Variants in COL6A3 observed in about 807,000 individuals in gnomAD.
COL6A3 encodes collagen type VI alpha 3 chain, also known as collagen alpha-3(VI) chain.
COL6A3 carries 137 observed loss-of-function variants against 274.1 expected under a neutral mutation model. The observed-to-expected ratio is 0.50, with a 90% confidence interval of 0.44 to 0.58. The LOEUF (loss-of-function observed/expected upper bound fraction) is 0.58. Among genes scored for constraint, COL6A3 ranks in the 20% least tolerant of loss-of-function variants. COL6A3 has a pLI of 0.00. For missense variants in COL6A3, 3,950 were observed against 4,124.9 expected (o/e 0.96, Z 1.16); for synonymous variants, 1,650 against 1,650.6 (o/e 1.00, Z 0.01).
intron 13 of COL6A3, among the ~76,000 whole-genome samples, chr2:237,363,604 T>C (rs1255690389): frequency 6.6e-6 from 1 of 152,230 alleles, no homozygotes; most frequent in Non-Finnish European, 1.5e-5. Context: ...GGTATGTCAA[T>C]AACTAAACCT....
intron 26 of COL6A3, among the ~76,000 whole-genome samples, chr2:237,351,704 T>G (rs1473272138): frequency 6.6e-6 from 1 of 152,266 alleles, no homozygotes; most frequent in Non-Finnish European, 1.5e-5. Context: ...CTGGAGCTAC[T>G]GGATAACTAT....
At chr2:237,347,952 G>T in intron 30 of COL6A3, 83 bp from the exon 31 acceptor site, 1 of 1,287,140 alleles carries the variant, frequency 7.8e-7, no homozygotes, top group Non-Finnish European at 1.1e-6. Flanking sequence ...ACATCCAGGA[G>T]ACGTGTGGGT....
At position 237,354,936 on chromosome 2, in the gene COL6A3, T is replaced by C. The variant is rs777097481; in HGVS notation, c.6592-2A>G. 1 of 1,613,794 alleles carries C rather than the reference T, an allele frequency of 6.2e-7. No individual in the cohort carries two copies. The highest frequency in any genetic ancestry group is 8.5e-7 in the Non-Finnish European group (1 of 1,179,846). On this transcript the variant is annotated splice_acceptor_variant, in intron 23 of 43. Coordinates refer to ENST00000295550, the MANE Select transcript of COL6A3 (RefSeq NM_004369.4). LOFTEE classifies it high-confidence loss of function. ...GGGTCCCCTTCGGCCAAAGCCACCC[T>C]GTGGAAGAAAAAGTCCCACAAACTG...
In COL6A3 at chr2:237,358,146, TG is replaced by T. The variant is rs530302553; in HGVS notation, c.6472-265del. ...CCCCAGGCTCACTCCTGCTTATCCT[TG>T]GCCACAGAGGCAGGATGGACTGGAA... On this transcript the variant is annotated intron_variant, in intron 21 of 43. Transcript: ENST00000295550. Among the ~76,000 whole-genome samples, 424 of 152,302 alleles carry T rather than the reference TG, an allele frequency of 2.8e-3. 3 individuals are homozygous for T. The highest frequency in any genetic ancestry group is 9.6e-3 in the African/African-American group (400 of 41,570).
At position 237,344,944 on chromosome 2, in the gene COL6A3, A is replaced by T; in HGVS notation, c.7171T>A (p.Tyr2391Asn). 1 of 1,614,180 alleles carries T rather than the reference A, an allele frequency of 6.2e-7. No homozygotes were observed. Among genetic ancestry groups the T allele is most frequent in the East Asian group, 2.2e-5 (1 of 44,878 alleles). Residue 2391 changes from tyrosine to asparagine, a missense_variant, in exon 35 of 44, where the codon TAC becomes AAC. Physicochemically the swap from Tyr to Asn is moderately radical, Grantham distance 143. Around this residue, in one of 5 missense-constraint regions of COL6A3, gnomAD observed 1,284 missense variants for 1,349.7 expected, o/e 0.95. Coordinates refer to ENST00000295550, the MANE Select transcript of COL6A3 (RefSeq NM_004369.4). The surrounding 1 kb of genome is among the most constrained non-coding windows in gnomAD (Gnocchi z 4.8). Reference protein sequence around the residue: ...QSIKDKCPCCYGPLECPVFPT... With the variant: ...QSIKDKCPCCNGPLECPVFPT... ...AAAGTCACCAAAATCAACTTACCGT[A>T]ACAGCAAGCTAGAAAAGAAGCAAAG...
In COL6A3 at chr2:237,364,793, TTGTGTGTGCATGTGTGTGCACG is replaced by T. The variant is rs60021050; in HGVS notation, c.5839-387_5839-366del. On this transcript the variant is annotated intron_variant, in intron 12 of 43. Coordinates refer to ENST00000295550, the MANE Select transcript of COL6A3 (RefSeq NM_004369.4). The surrounding 1 kb of genome is among the most constrained non-coding windows in gnomAD (Gnocchi z 4.6). ...GTACATATGTGTGTGTATGGGTGCA[TTGTGTGTGCATGTGTGTGCACG>T]TGTGTGTGCATGTGTGGGTGTGTGG... Among the ~76,000 whole-genome samples the T allele has an allele frequency of 0.19, 28,972 of 150,624 alleles. 2,880 individuals are homozygous for T. Among genetic ancestry groups the T allele is most frequent in the Admixed American group, 0.27 (4,124 of 15,100 alleles).
At chr2:237,340,271 C>T (rs143438295) in intron 38 of COL6A3, among the ~76,000 whole-genome samples, 181 bp downstream of exon 38, 179 of 152,282 alleles carry the variant, frequency 1.2e-3, no homozygotes, top group African/African-American at 4.1e-3. Flanking sequence ...CTGCATGTTC[C>T]CTGCTTACTC....
chr2:237,349,637 C>T (rs2646262), intron 28 of COL6A3, among the ~76,000 whole-genome samples: 113,159 of 152,216 alleles, frequency 0.74, 42,896 homozygotes, highest in African/African-American at 0.9. Context: ...AAATGTACAT[C>T]ACAAAATTAT....
Position 237,361,934 on chromosome 2 carries a change from C to A in COL6A3, c.6064-103G>T. 1.0e-6 allele frequency: 1 copy of A among 1,004,016 alleles called. No homozygotes were observed. Among genetic ancestry groups the A allele is most frequent in the Admixed American group, 1.8e-5 (1 of 54,264 alleles). The allele number at this position is 1,004,016 out of a possible 1,614,324, so 62.2% of individuals were successfully genotyped here. A position where few individuals can be genotyped will look rare whatever the true frequency, so the allele number is the denominator to read the frequency against. On this transcript the variant is annotated intron_variant, in intron 14 of 43. Coordinates refer to ENST00000295550, the MANE Select transcript of COL6A3 (RefSeq NM_004369.4). The surrounding 1 kb of genome is among the most constrained non-coding windows in gnomAD (Gnocchi z 5.1). ...CAAAATCGGATGTGTGGGGGTTTCA[C>A]GGTGTGAGATGAAGTCCCTCCAGGT...
At chr2:237,400,545 C>T (rs1353520621) in intron 1 of COL6A3, among the ~76,000 whole-genome samples, 1 of 151,398 alleles carries the variant, frequency 6.6e-6, no homozygotes, top group Non-Finnish European at 1.5e-5. Flanking sequence ...TCCACCAAGA[C>T]TGAATCATGA....
chr2:237,373,058 ACTCAAGATTACCAGCTGAGAGTC>A (rs1444177400), intron 8 of COL6A3, among the ~76,000 whole-genome samples: 2 of 152,026 alleles, frequency 1.3e-5, no homozygotes, highest in Non-Finnish European at 2.9e-5. Context: ...GAGAAATAGG[ACTCAAGATTACCAGCTGAGAGTC>A]AGGTGGGTCA....
At chr2:237,333,972 G>A (rs112335500) in intron 41 of COL6A3, among the ~76,000 whole-genome samples, 1 of 152,144 alleles carries the variant, frequency 6.6e-6, no homozygotes, top group Non-Finnish European at 1.5e-5. Flanking sequence ...TCACATTCCT[G>A]GAGCAGTGGG....
intron 3 of COL6A3, among the ~76,000 whole-genome samples, chr2:237,391,615 C>A (rs1192953777): frequency 6.6e-6 from 1 of 152,196 alleles, no homozygotes; most frequent in African/African-American, 2.4e-5. Flanking sequence ...TCACTGCAAC[C>A]TCCACCTCCT....
rs79395434 is a variant in COL6A3, at chr2:237,335,720, C to T, written c.8965+415G>A. 3.4e-3 allele frequency among the ~76,000 whole-genome samples: 519 copies of T among 152,302 alleles called. 9 individuals are homozygous for T. The highest frequency in any genetic ancestry group is 0.012 in the African/African-American group (504 of 41,556). The stretch of plus-strand genomic sequence containing the variant: ...AGGCATGTTCTAAGGTAGGCGAGTC[C>T]GGCTCCATACACCAGCCCAGAAACA... On this transcript the variant is annotated intron_variant, in intron 40 of 43. Coordinates refer to ENST00000295550, the MANE Select transcript of COL6A3 (RefSeq NM_004369.4).
intron 32 of COL6A3, 24 bp from the exon 33 acceptor site, chr2:237,345,237 T>G: frequency 6.2e-7 from 1 of 1,613,244 alleles, no homozygotes; most frequent in Non-Finnish European, 8.5e-7. Flanking sequence ...GAACGAAAGG[T>G]GAGAGGCACA....
rs867004318 is a variant in COL6A3 at position 237,344,360 on chromosome 2, T to C, written c.7658A>G (p.Asn2553Ser). 2.5e-6 allele frequency: 4 copies of C among 1,614,102 alleles called. No individual in the cohort carries two copies. The highest frequency in any genetic ancestry group is 3.4e-6 in the Non-Finnish European group (4 of 1,180,030). ...LTRQEDRQLINALQINNTAVG... is the reference protein window; with the variant it reads ...LTRQEDRQLISALQINNTAVG... Reference sequence around the variant, plus strand: ...GCACAGAGCACAGACCTGCAAAGCGTTGATGAGCTGCCGGTCTTCCTGCCT... The same window carrying C: ...GCACAGAGCACAGACCTGCAAAGCGCTGATGAGCTGCCGGTCTTCCTGCCT... The change falls in exon 36 of 44, where the codon AAC becomes AGC. Residue 2553 changes from asparagine (N) to serine (S), a missense_variant. Physicochemically the swap from Asn to Ser is conservative, Grantham distance 46. This residue lies in a region of COL6A3 where 1,284 missense variants were observed against 1,349.7 expected (regional missense o/e 0.95). Coordinates refer to ENST00000295550, the MANE Select transcript of COL6A3 (RefSeq NM_004369.4). The surrounding 1 kb of genome is among the most constrained non-coding windows in gnomAD (Gnocchi z 4.8).
In COL6A3 at chr2:237,391,676, C is replaced by T. The variant is rs1243240937; in HGVS notation, c.709+2911G>A. Among the ~76,000 whole-genome samples, 11 of 152,180 alleles carry T rather than the reference C, an allele frequency of 7.2e-5. No individual in the cohort carries two copies. In the East Asian group the frequency reaches 2.1e-3, roughly 29 times the overall value. On this transcript the variant is annotated intron_variant, in intron 3 of 43. Coordinates refer to ENST00000295550, the MANE Select transcript of COL6A3 (RefSeq NM_004369.4). The stretch of plus-strand genomic sequence containing the variant: ...GCCTCCCGGGATTACAGACGCCCAC[C>T]ACCACACCTGGCTAATTTTTGTATT...
intron 12 of COL6A3, 62 bp downstream of exon 12, chr2:237,365,636 T>C (rs2077532541): frequency 7.0e-7 from 1 of 1,435,792 alleles, no homozygotes; most frequent in East Asian, 2.3e-5. Flanking sequence ...AAGGGCTTCC[T>C]CCTTTCCAGT....
In COL6A3 at chr2:237,394,586, C is replaced by T; in HGVS notation, c.709+1G>A. On this transcript the variant is annotated splice_donor_variant, in intron 3 of 43. Transcript: ENST00000295550. LOFTEE classifies it high-confidence loss of function. Reference sequence around the variant, plus strand: ...GCGTAGCTTGGTGGCGTTGCCATTACCTGTGATGTCTTTAAGGGTTTCCGT... The same window carrying T: ...GCGTAGCTTGGTGGCGTTGCCATTATCTGTGATGTCTTTAAGGGTTTCCGT... The T allele has an allele frequency of 1.2e-6, 2 of 1,613,968 alleles. No individual in the cohort carries two copies. The highest frequency in any genetic ancestry group is 1.7e-6 in the Non-Finnish European group (2 of 1,180,036).
Sources: gnomAD v4.1 joint callset for allele counts (sites outside exome capture counted in the v4.1 genomes callset) on GRCh38, gnomAD v4.1.1 for gene constraint, gnomAD v4.1.1 regional missense constraint, Gnocchi (gnomAD v3.1) non-coding constraint, MANE v1.5 for transcripts, NCBI Gene and HGNC (gene_info 2026-07-23, HGNC 2026-07-21) for gene names.